SNX29: variants seen among roughly 807,000 people sequenced by gnomAD.
SNX29 encodes sorting nexin-29.
A neutral mutation model predicts 102.1 loss-of-function variants in SNX29; 78 were observed. The observed-to-expected ratio is 0.76, with a 90% CI of 0.64 to 0.92. SNX29 has a LOEUF of 0.92. Among genes scored for constraint, SNX29 ranks in the 40% least tolerant of loss-of-function variants. The pLI is 0.00. For missense variants in SNX29, 1,280 were observed against 1,061.7 expected (o/e 1.21, Z -2.86); for synonymous variants, 580 against 414.5 (o/e 1.40, Z -4.85).
chr16:12,202,326 G>C (rs990783810), intron 14 of SNX29, among the ~76,000 whole-genome samples: 1 of 152,076 alleles, frequency 6.6e-6, no homozygotes, highest in Non-Finnish European at 1.5e-5. Context: ...TTATCTAATG[G>C]AAAGTTTTTT....
At chr16:12,398,079 C>T (rs1567522139) in intron 16 of SNX29, among the ~76,000 whole-genome samples, 1 of 152,162 alleles carries the variant, frequency 6.6e-6, no homozygotes. Flanking sequence ...GTGTGATGTT[C>T]ATCATGGTAA....
chr16:12,208,107 A>C (rs2077091066), intron 14 of SNX29, among the ~76,000 whole-genome samples: 1 of 152,222 alleles, frequency 6.6e-6, no homozygotes, highest in Non-Finnish European at 1.5e-5. Context: ...ATACCACTTA[A>C]GAGCGGGGAG....
intron 19 of SNX29, among the ~76,000 whole-genome samples, chr16:12,519,119 A>G (rs1597709271): frequency 6.6e-6 from 1 of 152,156 alleles, no homozygotes; most frequent in East Asian, 1.9e-4. Flanking sequence ...AGGGCTGCTC[A>G]TTATTTAAAG....
At chr16:12,550,489 T>C (rs1471823279) in intron 20 of SNX29, among the ~76,000 whole-genome samples, 1 of 149,594 alleles carries the variant, frequency 6.7e-6, no homozygotes, top group Non-Finnish European at 1.5e-5. Context: ...GAGCTGACAT[T>C]GTGTCATTAC....
intron 11 of SNX29, among the ~76,000 whole-genome samples, chr16:12,089,127 A>AAGAGAGAGAGAGAGAGAAAAGAG (rs1555458035): frequency 7.6e-4 from 67 of 88,710 alleles, no homozygotes; most frequent in Admixed American, 1.6e-3. Context: ...AGAGAGAGAA[A>AAGAGAGAGAGAGAGAGAAAAGAG]AGAGAGAGAG....
At chr16:12,216,737 G>T (rs973279480) in intron 14 of SNX29, among the ~76,000 whole-genome samples, 1 of 100,036 alleles carries the variant, frequency 1.0e-5, no homozygotes, top group South Asian at 3.3e-4. Flanking sequence ...CCTACATCTC[G>T]TTTTGGATCA....
intron 19 of SNX29, among the ~76,000 whole-genome samples, chr16:12,503,895 T>C (rs1353399378): frequency 1.3e-5 from 2 of 152,232 alleles, no homozygotes; most frequent in Non-Finnish European, 2.9e-5. Flanking sequence ...AAAAGTTTTA[T>C]TAAGATAAAA....
chr16:11,997,789 AT>A (rs1351447596), intron 1 of SNX29, among the ~76,000 whole-genome samples: 2 of 152,052 alleles, frequency 1.3e-5, no homozygotes, highest in Non-Finnish European at 2.9e-5. Flanking sequence ...TTCTAGTAGG[AT>A]TTTAGCTCCA....
In SNX29 at chr16:12,067,805, G is replaced by A. The variant is rs112664860; in HGVS notation, c.1244-1252G>A. On this transcript the variant is annotated intron_variant, in intron 9 of 20. Transcript: ENST00000566228. ...GCCTGGCCCAAGAAGTTTCTTGAGT[G>A]AGCAAGGTTTCTCCTGGGTGATACT... Among the ~76,000 whole-genome samples, 357 of 152,272 alleles carry A rather than the reference G, an allele frequency of 2.3e-3. 1 individual carries two copies. The highest frequency in any genetic ancestry group is 7.9e-3 in the African/African-American group (329 of 41,572).
chr16:12,543,329 C>A (rs765055137), intron 20 of SNX29, among the ~76,000 whole-genome samples: 1 of 152,174 alleles, frequency 6.6e-6, no homozygotes, highest in African/African-American at 2.4e-5. Flanking sequence ...TTAGCCAAAT[C>A]TGGGGCAGAG....
At chr16:12,083,841 G>A (rs2052029204) in intron 11 of SNX29, among the ~76,000 whole-genome samples, 1 of 152,258 alleles carries the variant, frequency 6.6e-6, no homozygotes, top group African/African-American at 2.4e-5. Context: ...CCGCCAAGTG[G>A]CTTCCCTGGC....
At chr16:12,274,937 C>T (rs188879575) in intron 14 of SNX29, among the ~76,000 whole-genome samples, 193 of 152,228 alleles carry the variant, frequency 1.3e-3, no homozygotes, top group Non-Finnish European at 2.0e-3. Context: ...ACTGTCTCCT[C>T]CTCTCTCTCT....
At chr16:12,522,293 G>A (rs1036621531) in intron 19 of SNX29, among the ~76,000 whole-genome samples, 6 of 152,156 alleles carry the variant, frequency 3.9e-5, no homozygotes, top group Non-Finnish European at 7.3e-5. Flanking sequence ...ACTGGGTGCC[G>A]TGTATTCTCA....
intron 18 of SNX29, among the ~76,000 whole-genome samples, chr16:12,435,328 A>G (rs189316461): frequency 6.6e-6 from 1 of 152,324 alleles, no homozygotes; most frequent in Non-Finnish European, 1.5e-5. Context: ...GTTTCTTAAA[A>G]TTCTGAAGTG....
chr16:11,988,518 T>A (rs188916133), intron 1 of SNX29, among the ~76,000 whole-genome samples: 187 of 152,218 alleles, frequency 1.2e-3, no homozygotes, highest in Non-Finnish European at 2.5e-3. Flanking sequence ...CACCTCAGCC[T>A]CCCTCATAGC....
At chr16:12,240,658 A>G (rs1279220779) in intron 14 of SNX29, among the ~76,000 whole-genome samples, 1 of 124,082 alleles carries the variant, frequency 8.1e-6, no homozygotes, top group Non-Finnish European at 1.6e-5. Flanking sequence ...GTGCAGCGGC[A>G]TGATCTCAGC....
At chr16:12,318,793 T>A (rs927435842) in intron 15 of SNX29, among the ~76,000 whole-genome samples, 1 of 152,130 alleles carries the variant, frequency 6.6e-6, no homozygotes, top group Non-Finnish European at 1.5e-5. Flanking sequence ...GGAGCTTACA[T>A]ACCTTCTAAG....
chr16:12,278,036 G>C lies in SNX29; in HGVS notation c.1782G>C (p.Glu594Asp). ...LASSYERKLI[E>D]VAEMHGELIE... ...GCTCCTACGAAAGAAAGCTCATCGAGGTAAGGCCGGTGGAGTCTGTGTGTC... is the reference window on the plus strand; with the variant it reads ...GCTCCTACGAAAGAAAGCTCATCGACGTAAGGCCGGTGGAGTCTGTGTGTC... The change falls in exon 15 of 21, where the codon GAG becomes GAC. Residue 594 changes from glutamate to aspartate, a missense_variant and splice_region_variant. Glu to Asp is a conservative substitution (Grantham distance 45). Transcript: ENST00000566228. 1 of 1,593,284 alleles carries C rather than the reference G, an allele frequency of 6.3e-7. No homozygotes were observed. Among genetic ancestry groups the C allele is most frequent in the Non-Finnish European group, 8.5e-7 (1 of 1,169,600 alleles).
chr16:12,069,155 G>A, intron 10 of SNX29, 23 bp downstream of exon 10: 1 of 1,592,696 alleles, frequency 6.3e-7, no homozygotes, highest in Non-Finnish European at 8.6e-7. Flanking sequence ...AAACCCAGTT[G>A]CCTGTGGCAT....
Sources: gnomAD v4.1 joint callset for allele counts (sites outside exome capture counted in the v4.1 genomes callset) on GRCh38, gnomAD v4.1.1 for gene constraint, MANE v1.5 for transcripts, NCBI Gene and HGNC (gene_info 2026-07-23, HGNC 2026-07-21) for gene names.